NCOR2: variants seen among roughly 807,000 people sequenced by gnomAD.
The protein encoded by NCOR2 is CTG repeat protein 26.
In NCOR2, 81 loss-of-function variants were observed where a neutral mutation model predicts 262.9. The ratio of observed to expected loss-of-function variants is 0.31; its 90% CI spans 0.26 to 0.37. The LOEUF is 0.37. Among genes scored for constraint, NCOR2 ranks in the 10% least tolerant of loss-of-function variants. The pLI is 1.00. For missense variants in NCOR2, 3,385 were observed against 3,621.4 expected (o/e 0.93, Z 1.68); for synonymous variants, 1,659 against 1,559.3 (o/e 1.06, Z -1.51).
intron 3 of NCOR2, among the ~76,000 whole-genome samples, chr12:124,479,545 CCACACACAAACGCGCA>C (rs1280751339): frequency 2.6e-5 from 4 of 151,556 alleles, no homozygotes; most frequent in Non-Finnish European, 5.9e-5. Flanking sequence ...ACACCCGCAC[CCACACACAAACGCGCA>C]CACACACGCA....
chr12:124,483,829 C>G lies in NCOR2; in HGVS notation c.234-56G>C. 1 of 1,477,438 alleles carries G rather than the reference C, an allele frequency of 6.8e-7. No individual in the cohort carries two copies. The highest frequency in any genetic ancestry group is 9.0e-7 in the Non-Finnish European group (1 of 1,111,382). The allele number at this position is 1,477,438 out of a possible 1,614,324, so 91.5% of individuals were successfully genotyped here. On this transcript the variant is annotated intron_variant, in intron 2 of 46. Coordinates refer to ENST00000405201, the Ensembl canonical transcript of NCOR2. The surrounding 1 kb of genome is among the most constrained non-coding windows in gnomAD (Gnocchi z 6.3). The stretch of plus-strand genomic sequence containing the variant: ...AGGAGATTGCGGCTCTGAGAACTCC[C>G]GAGGCCCCGACCACCCTCTGCGCCG...
chr12:124,379,835 G>A (rs1367013480), intron 17 of NCOR2, among the ~76,000 whole-genome samples: 1 of 152,212 alleles, frequency 6.6e-6, no homozygotes, highest in African/African-American at 2.4e-5. Flanking sequence ...AGGGAAACAC[G>A]GATTCAGGGA....
rs777315432 is a variant in NCOR2 at position 124,522,748 on chromosome 12, G to A, written c.-118+12817C>T. 1.7e-4 allele frequency among the ~76,000 whole-genome samples: 26 copies of A among 152,186 alleles called. 1 individual carries two copies. Among genetic ancestry groups the A allele is most frequent in the Admixed American group, 1.2e-3 (19 of 15,276 alleles). On this transcript the variant is annotated intron_variant, in intron 1 of 46. Coordinates refer to the NCOR2 transcript ENST00000404621. The stretch of plus-strand genomic sequence containing the variant: ...ACCTTTGGTGCCCCTTTCCTTTCCC[G>A]CTAGTTCCAGAAAACTGGCTGGAAG...
chr12:124,521,697 A>C (rs1593960745), intron 1 of NCOR2, among the ~76,000 whole-genome samples: 1 of 152,166 alleles, frequency 6.6e-6, no homozygotes, highest in African/African-American at 2.4e-5. Flanking sequence ...CAACATTGTG[A>C]TTGTACTAAG....
chr12:124,567,151 C>A (rs1166385893), intron 1 of NCOR2, among the ~76,000 whole-genome samples, 157 bp downstream of exon 1: 2 of 152,054 alleles, frequency 1.3e-5, no homozygotes, highest in East Asian at 3.9e-4. Flanking sequence ...GGCGGGGCGC[C>A]TTGCTCCCCA....
At chr12:124,391,502 C>T (rs945866401) in intron 16 of NCOR2, among the ~76,000 whole-genome samples, 5 of 148,782 alleles carry the variant, frequency 3.4e-5, no homozygotes, top group Admixed American at 2.7e-4. Flanking sequence ...CAAGCCCTGG[C>T]GGGGGGGGGG....
Position 124,402,630 on chromosome 12 carries a change from C to T in NCOR2, c.1483-69G>A, listed in dbSNP as rs180727171. 2.2e-5 allele frequency: 34 copies of T among 1,538,386 alleles called. No homozygotes were observed. In the East Asian group the frequency reaches 4.6e-4, roughly 21 times the overall value. ...AAAACCGTGAACAGGTGAATCTCTG[C>T]ACCTGGGCTCAGCCTGAGCTGGGGG... On this transcript the variant is annotated intron_variant, in intron 13 of 46. Transcript: ENST00000405201.
At chr12:124,529,200 A>C (rs2050653758) in intron 1 of NCOR2, among the ~76,000 whole-genome samples, 2 of 150,178 alleles carry the variant, frequency 1.3e-5, no homozygotes, top group South Asian at 4.2e-4. Flanking sequence ...AAAAAAAAAA[A>C]AACACTCACT....
chr12:124,355,269 G>A (rs1298823950), intron 24 of NCOR2, 163 bp downstream of exon 26: 2 of 807,736 alleles, frequency 2.5e-6, no homozygotes, highest in Non-Finnish European at 3.8e-6. Context: ...ACGAGGCCCT[G>A]AGTGCCTGGG....
At chr12:124,411,541 CCA>C (rs2042587365) in intron 13 of NCOR2, among the ~76,000 whole-genome samples, 1 of 152,214 alleles carries the variant, frequency 6.6e-6, no homozygotes, top group African/African-American at 2.4e-5. Context: ...TGCGGGAAGG[CCA>C]TATTGGCTAC....
chr12:124,357,918 C>CGCGT (rs1466077036), intron 22 of NCOR2, among the ~76,000 whole-genome samples: 56 of 146,860 alleles, frequency 3.8e-4, no homozygotes, highest in African/African-American at 1.1e-3. Context: ...TGTGTGCGTG[C>CGCGT]GCACGTGCGT....
chr12:124,558,933 G>A (rs1431877648), intron 1 of NCOR2, among the ~76,000 whole-genome samples: 1 of 152,210 alleles, frequency 6.6e-6, no homozygotes, highest in East Asian at 1.9e-4. Flanking sequence ...ACTCAGACCT[G>A]TGGGTCCCCC....
At chr12:124,374,949 G>A (rs1306183288) in intron 18 of NCOR2, among the ~76,000 whole-genome samples, 2 of 152,162 alleles carry the variant, frequency 1.3e-5, no homozygotes, top group Non-Finnish European at 2.9e-5. Flanking sequence ...CTCCCTTCAG[G>A]CCCCAGAGCA....
At chr12:124,484,913 G>T (rs2047694473) in intron 2 of NCOR2, among the ~76,000 whole-genome samples, 1 of 152,234 alleles carries the variant, frequency 6.6e-6, no homozygotes, top group South Asian at 2.1e-4. Context: ...TAGACTGACT[G>T]AATGCTGCCC....
upstream of NCOR2, among the ~76,000 whole-genome samples, chr12:124,499,451 C>G (rs1268029202): frequency 6.6e-6 from 1 of 152,134 alleles, no homozygotes; most frequent in Non-Finnish European, 1.5e-5. Context: ...CTGCCCAGCC[C>G]TGGGGAGAGC....
At chr12:124,448,810 C>G (rs2045348219) in intron 7 of NCOR2, among the ~76,000 whole-genome samples, 1 of 152,242 alleles carries the variant, frequency 6.6e-6, no homozygotes, top group Non-Finnish European at 1.5e-5. Flanking sequence ...CATATACACT[C>G]TGTAGTTCCA....
At chr12:124,372,368 CAGG>C (rs1199352306) in exon 20 of NCOR2, 5 of 1,511,424 alleles carry the variant, frequency 3.3e-6, no homozygotes, top group East Asian at 2.3e-5. Flanking sequence ...TTGGGGACCA[CAGG>C]AGGAGGTGCA....
At chr12:124,343,843 GTCT>G (rs2036675661) in intron 32 of NCOR2, among the ~76,000 whole-genome samples, 1 of 152,090 alleles carries the variant, frequency 6.6e-6, no homozygotes, top group South Asian at 2.1e-4. Context: ...GACCAGGCTG[GTCT>G]TGAACTCCTG....
intron 1 of NCOR2, among the ~76,000 whole-genome samples, chr12:124,505,803 C>G (rs1276535269): frequency 1.3e-5 from 2 of 152,158 alleles, no homozygotes; most frequent in African/African-American, 4.8e-5. Context: ...ATGATGTTAA[C>G]CAAGCCAGTC....
Sources: allele counts gnomAD v4.1 joint callset (sites outside exome capture counted in the v4.1 genomes callset), GRCh38; gene constraint gnomAD v4.1.1; non-coding constraint Gnocchi (gnomAD v3.1); transcripts MANE v1.5; gene names NCBI Gene and HGNC (gene_info 2026-07-23, HGNC 2026-07-21).